CDC42BPB: variants seen among roughly 807,000 people sequenced by gnomAD.
The protein encoded by CDC42BPB is CDC42 binding protein kinase beta, also known as serine/threonine-protein kinase MRCK beta.
Under a neutral mutation model 214.9 loss-of-function variants are expected in CDC42BPB, and 37 were observed. The observed-to-expected ratio is 0.17, with a 90% confidence interval of 0.13 to 0.23. The LOEUF is 0.23. Ranked by LOEUF, CDC42BPB falls within the 10% of genes least tolerant of loss-of-function variation. CDC42BPB has a pLI of 1.00. For synonymous variants in CDC42BPB, 931 were observed against 884.0 expected (o/e 1.05, Z -0.94); for missense variants, 1,694 against 2,227.0 (o/e 0.76, Z 4.82).
intron 1 of CDC42BPB, among the ~76,000 whole-genome samples, chr14:103,026,211 C>T (rs1020692523): frequency 3.3e-5 from 5 of 151,962 alleles, no homozygotes; most frequent in Admixed American, 1.3e-4. Context: ...TCCTGGCCAA[C>T]ATGGTGAAAC....
intron 1 of CDC42BPB, among the ~76,000 whole-genome samples, chr14:103,036,738 T>A (rs960765552): frequency 6.6e-6 from 1 of 152,320 alleles, no homozygotes; most frequent in Non-Finnish European, 1.5e-5. Context: ...CAATAAAAAA[T>A]AGCCAAACTA....
intron 7 of CDC42BPB, among the ~76,000 whole-genome samples, chr14:102,983,230 C>T (rs1338400435): frequency 2.6e-5 from 4 of 152,304 alleles, no homozygotes; most frequent in South Asian, 4.1e-4. Flanking sequence ...GTGCAGACGA[C>T]GCGTCTGTCT....
At chr14:102,945,343 G>A (rs1197851228) in intron 29 of CDC42BPB, 2 of 487,964 alleles carry the variant, frequency 4.1e-6, no homozygotes, top group Non-Finnish European at 8.0e-6. Context: ...GTCAAAATTG[G>A]AAGCAAAGAA....
intron 1 of CDC42BPB, among the ~76,000 whole-genome samples, chr14:103,049,249 T>C (rs1406256997): frequency 1.3e-5 from 2 of 152,160 alleles, no homozygotes; most frequent in African/African-American, 4.8e-5. Context: ...CACCCACCAA[T>C]ATCCAAGGAT....
chr14:103,011,657 T>C (rs537819867), intron 2 of CDC42BPB, among the ~76,000 whole-genome samples: 50 of 152,214 alleles, frequency 3.3e-4, no homozygotes, highest in Non-Finnish European at 6.9e-4. Flanking sequence ...GGCATGAGGA[T>C]AGCTTGAACC....
At chr14:103,010,430 C>A (rs1886086518) in intron 2 of CDC42BPB, among the ~76,000 whole-genome samples, 1 of 152,222 alleles carries the variant, frequency 6.6e-6, no homozygotes, top group South Asian at 2.1e-4. Flanking sequence ...TGCTCTCCTC[C>A]CCTATCCCTC....
At chr14:102,945,529 C>T (rs904608106) in intron 29 of CDC42BPB, 133 bp downstream of exon 29, 21 of 725,092 alleles carry the variant, frequency 2.9e-5, no homozygotes, top group Non-Finnish European at 4.4e-5. Context: ...CCGGTCTTCA[C>T]GGCACGCTGG....
rs752024361 is a variant in CDC42BPB at position 102,939,929 on chromosome 14, G to A, written c.4610C>T (p.Pro1537Leu). ...SKFSGAVLNV[P>L]DTSDNSKKQM... ...CTTCTTGCTGTTGTCGGAGGTGTCC[G>A]GCACGTTGAGAACCGCTCCTGCAGA... The change falls in exon 33 of 37, where the codon CCG becomes CTG. Residue 1537 changes from proline (P) to leucine (L), a missense_variant. This residue lies in a region of CDC42BPB where 567 missense variants were observed against 790.3 expected (regional missense o/e 0.72). Transcript: ENST00000361246. The A allele has an allele frequency of 2.5e-6, 4 of 1,613,928 alleles. No individual in the cohort carries two copies. The highest frequency in any genetic ancestry group is 2.5e-6 in the Non-Finnish European group (3 of 1,180,044).
At chr14:103,008,856 C>T (rs991105438) in intron 2 of CDC42BPB, 10 of 161,806 alleles carry the variant, frequency 6.2e-5, no homozygotes, top group African/African-American at 2.4e-4. Context: ...CCTATGAGGA[C>T]CCATGAGCAC....
intron 31 of CDC42BPB, 41 bp downstream of exon 31, chr14:102,940,186 G>C (rs375802756): frequency 1.8e-4 from 291 of 1,612,736 alleles, no homozygotes; most frequent in Non-Finnish European, 2.4e-4. Flanking sequence ...ACTGCACCGG[G>C]AGAAGCCCGC....
At chr14:103,034,616 C>T (rs1159967022) in intron 1 of CDC42BPB, among the ~76,000 whole-genome samples, 4 of 152,048 alleles carry the variant, frequency 2.6e-5, no homozygotes, top group South Asian at 2.1e-4. Context: ...GTTGGGAGTT[C>T]GAGACCAACC....
chr14:102,954,830 C>T lies in CDC42BPB; in HGVS notation c.2902-142G>A, dbSNP rs183037089. ...GGTTCTTACTCCTGGATCCTATCAC[C>T]CCTTGGGTCTCCTCACAGACCCCTG... On this transcript the variant is annotated intron_variant, in intron 21 of 36. Coordinates refer to ENST00000361246, the MANE Select transcript of CDC42BPB (RefSeq NM_006035.4). The T allele has an allele frequency of 3.5e-5, 50 of 1,438,240 alleles. No homozygotes were observed. In the East Asian group the frequency reaches 9.7e-4, roughly 28 times the overall value. 89.1% of individuals were successfully genotyped at this position (1,438,240 alleles called of 1,614,324 possible). A position where few individuals can be genotyped will look rare whatever the true frequency, so the allele number is the denominator to read the frequency against.
chr14:103,008,704 G>C (rs1436148512), intron 2 of CDC42BPB, 149 bp from the exon 3 acceptor site: 16 of 1,446,258 alleles, frequency 1.1e-5, no homozygotes, highest in Non-Finnish European at 1.5e-5. Flanking sequence ...GCATGTGCCA[G>C]TTCCTGCATC....
At chr14:103,041,448 C>T in intron 1 of CDC42BPB, 2 of 946,380 alleles carry the variant, frequency 2.1e-6, no homozygotes, top group Non-Finnish European at 3.2e-6. Context: ...TTTTCCTGCA[C>T]AGAAGGGGCT....
At chr14:102,962,189 C>A (rs539940229) in intron 20 of CDC42BPB, among the ~76,000 whole-genome samples, 91 of 152,336 alleles carry the variant, frequency 6.0e-4, no homozygotes, top group African/African-American at 2.1e-3. Context: ...GGGGCAGAAA[C>A]CCCTCATGCA....
At chr14:102,941,898 G>A (rs1891907657) in intron 30 of CDC42BPB, among the ~76,000 whole-genome samples, 1 of 152,170 alleles carries the variant, frequency 6.6e-6, no homozygotes, top group Non-Finnish European at 1.5e-5. Flanking sequence ...TACAGGTGAT[G>A]GAATTACTTT....
At chr14:102,984,511 C>T (rs558719005) in intron 6 of CDC42BPB, among the ~76,000 whole-genome samples, 1 of 152,232 alleles carries the variant, frequency 6.6e-6, no homozygotes, top group South Asian at 2.1e-4. Context: ...CGCTCCTACC[C>T]CCGCAAGGGA....
intron 28 of CDC42BPB, 122 bp downstream of exon 28, chr14:102,946,346 G>C: frequency 9.2e-7 from 1 of 1,086,014 alleles, no homozygotes; most frequent in Non-Finnish European, 1.3e-6. Context: ...AACATGCATG[G>C]AGAAACTGTC....
chr14:103,030,790 C>G (rs951548936), intron 1 of CDC42BPB, among the ~76,000 whole-genome samples: 5 of 152,110 alleles, frequency 3.3e-5, no homozygotes, highest in African/African-American at 9.7e-5. Context: ...TCCAGACCAG[C>G]CTAGGCAACA....
Sources: allele counts gnomAD v4.1 joint callset (sites outside exome capture counted in the v4.1 genomes callset), GRCh38; gene constraint gnomAD v4.1.1; regional missense constraint gnomAD v4.1.1; transcripts MANE v1.5; gene names NCBI Gene and HGNC (gene_info 2026-07-23, HGNC 2026-07-21).